GPHN: variants seen among roughly 807,000 people sequenced by gnomAD.
GPHN encodes the protein gephyrin.
In GPHN, 17 loss-of-function variants were observed where a neutral mutation model predicts 95.5. The observed-to-expected ratio is 0.18, with a 90% CI of 0.12 to 0.27. The LOEUF (loss-of-function observed/expected upper bound fraction) is 0.27, where lower values mean the gene tolerates loss of function less well. Ranked by LOEUF, GPHN falls within the 10% of genes least tolerant of loss-of-function variation. The probability of loss-of-function intolerance (pLI) is 1.00; values close to 1 mark genes in which losing one functional copy is unlikely to be tolerated. For synonymous variants in GPHN, 320 were observed against 322.5 expected, an observed-to-expected ratio of 0.99 and a Z score of 0.08; for missense variants, 660 against 978.1, an observed-to-expected ratio of 0.67 and a Z score of 4.34.
At chr14:67,022,608 T>TG (rs1319488184) in intron 9 of GPHN, among the ~76,000 whole-genome samples, 1 of 140,942 alleles carries the variant, frequency 7.1e-6, no homozygotes, top group Non-Finnish European at 1.6e-5. Flanking sequence ...TGTGTGTGTA[T>TG]TTTTCTTGTA....
chr14:66,550,475 C>G (rs1277455883), intron 1 of GPHN, among the ~76,000 whole-genome samples: 1 of 152,120 alleles, frequency 6.6e-6, no homozygotes, highest in Non-Finnish European at 1.5e-5. Flanking sequence ...GGAATCTACT[C>G]CTGGTGATAA....
chr14:66,635,793 C>G (rs139669883), intron 1 of GPHN, among the ~76,000 whole-genome samples: 1 of 152,028 alleles, frequency 6.6e-6, no homozygotes, highest in East Asian at 1.9e-4. Flanking sequence ...GGGAAACACT[C>G]AAAGAAAAAA....
At chr14:67,473,984 G>T in the GPHN span, 1 of 1,514,140 alleles carries the variant, frequency 6.6e-7, no homozygotes, top group South Asian at 1.3e-5. The surrounding 1 kb of genome is among the most constrained non-coding windows in gnomAD (Gnocchi z 6.5). Context: ...CGGGCGCGGT[G>T]GCTCACGCCT....
At chr14:66,641,903 T>A (rs1486302248) in intron 1 of GPHN, among the ~76,000 whole-genome samples, 1 of 152,180 alleles carries the variant, frequency 6.6e-6, no homozygotes, top group African/African-American at 2.4e-5. Context: ...TTCTGAAATT[T>A]GTTTAGAAAT....
At chr14:67,193,040 CTAGATA>C in the GPHN span, among the ~76,000 whole-genome samples, 5 of 144,044 alleles carry the variant, frequency 3.5e-5, no homozygotes, top group Admixed American at 7.0e-5. Flanking sequence ...CTATCAATAT[CTAGATA>C]TAGATATATC....
At chr14:66,754,621 C>T (rs902740258) in intron 2 of GPHN, among the ~76,000 whole-genome samples, 18 of 151,838 alleles carry the variant, frequency 1.2e-4, no homozygotes, top group African/African-American at 2.9e-4. Context: ...TACTTATTTT[C>T]TACTATTCTG....
At chr14:67,194,233 A>C in the GPHN span, among the ~76,000 whole-genome samples, 2,200 of 151,266 alleles carry the variant, frequency 0.015, 31 homozygotes, top group Non-Finnish European at 0.018. Context: ...GTGTGATGGC[A>C]CAGGCCTGTG....
At chr14:66,951,312 A>G (rs1204741181) in intron 8 of GPHN, among the ~76,000 whole-genome samples, 1 of 151,952 alleles carries the variant, frequency 6.6e-6, no homozygotes, top group Non-Finnish European at 1.5e-5. Context: ...AGGTCAGGAC[A>G]TCAAGACCAT....
At chr14:67,691,490 G>C in the GPHN span, 2 of 382,332 alleles carry the variant, frequency 5.2e-6, no homozygotes, top group Non-Finnish European at 9.5e-6. Flanking sequence ...TAGTTCAGGA[G>C]CTACTTACTC....
the GPHN span, among the ~76,000 whole-genome samples, chr14:67,236,208 A>C: frequency 1.8e-4 from 28 of 152,204 alleles, no homozygotes; most frequent in East Asian, 5.0e-3. Flanking sequence ...GAAATTTTGT[A>C]TCCTTTGACC....
chr14:67,450,518 ATGAGGAACT>A, the GPHN span, among the ~76,000 whole-genome samples: 1 of 152,232 alleles, frequency 6.6e-6, no homozygotes, highest in Non-Finnish European at 1.5e-5. Context: ...TCAGATGGAA[ATGAGGAACT>A]TGTTGGGAAT....
chr14:66,735,843 AAAT>A (rs986336829), intron 2 of GPHN, among the ~76,000 whole-genome samples: 5 of 152,194 alleles, frequency 3.3e-5, no homozygotes, highest in African/African-American at 1.2e-4. Context: ...AGAGAAAGAG[AAAT>A]AATATTTACT....
chr14:66,624,310 C>T (rs1566721453), intron 1 of GPHN, among the ~76,000 whole-genome samples: 1 of 152,142 alleles, frequency 6.6e-6, no homozygotes, highest in South Asian at 2.1e-4. Context: ...TTGACATGTG[C>T]CTGTGAGACA....
chr14:66,965,396 T>G, intron 9 of GPHN, 71 bp downstream of exon 9: 1 of 1,355,924 alleles, frequency 7.4e-7, no homozygotes, highest in East Asian at 2.3e-5. Flanking sequence ...CAATATTTCC[T>G]CCTGCTTGTC....
the GPHN span, chr14:67,221,947 C>T: frequency 5.3e-4 from 560 of 1,049,102 alleles, no homozygotes; most frequent in Non-Finnish European, 6.9e-4. Flanking sequence ...TCACTATGCT[C>T]CATTCTGAGA....
the GPHN span, chr14:67,575,495 T>G: frequency 6.9e-7 from 1 of 1,441,302 alleles, no homozygotes; most frequent in Non-Finnish European, 9.7e-7. Flanking sequence ...CTCCTCACAA[T>G]ACCCACTCTC....
chr14:66,586,782 AAC>A (rs1378876443), intron 1 of GPHN, among the ~76,000 whole-genome samples: 1 of 152,154 alleles, frequency 6.6e-6, no homozygotes, highest in Non-Finnish European at 1.5e-5. Context: ...TATAGCAATA[AAC>A]ACACAGATCA....
intron 2 of GPHN, chr14:66,709,403 T>C (rs1454865829): frequency 6.6e-6 from 3 of 455,974 alleles, no homozygotes; most frequent in Admixed American, 2.4e-5. Flanking sequence ...CCACAGATAC[T>C]ACTGAACCCA....
chr14:66,527,153 G>C (rs1333215987), intron 1 of GPHN, among the ~76,000 whole-genome samples: 2 of 152,112 alleles, frequency 1.3e-5, no homozygotes, highest in African/African-American at 4.8e-5. Context: ...TTCAGAACTT[G>C]TTACTGGTCT....
Sources: gnomAD v4.1 joint callset for allele counts (sites outside exome capture counted in the v4.1 genomes callset) on GRCh38, gnomAD v4.1.1 for gene constraint, Gnocchi (gnomAD v3.1) non-coding constraint, MANE v1.5 for transcripts, NCBI Gene and HGNC (gene_info 2026-07-23, HGNC 2026-07-21) for gene names.